AGL: variants seen among roughly 807,000 people sequenced by gnomAD.
AGL encodes amylo-alpha-1,6-glucosidase and 4-alpha-glucanotransferase.
A neutral mutation model predicts 199.3 loss-of-function variants in AGL; 128 were observed. The observed-to-expected ratio is 0.64, with a 90% CI of 0.56 to 0.74. The LOEUF is 0.74. Ranked by LOEUF, AGL falls within the 30% of genes least tolerant of loss-of-function variation. The pLI, the probability that AGL is intolerant of heterozygous loss-of-function variation, is 0.00. For synonymous variants in AGL, 584 were observed against 594.7 expected (o/e 0.98, Z 0.26); for missense variants, 1,809 against 1,820.8 (o/e 0.99, Z 0.12).
At chr1:99,893,417 GT>G (rs764507498) in intron 24 of AGL, among the ~76,000 whole-genome samples, 2 of 152,074 alleles carry the variant, frequency 1.3e-5, no homozygotes, top group Non-Finnish European at 1.5e-5. Flanking sequence ...CTATAATTGT[GT>G]TTTTAGATTT....
intron 31 of AGL, 60 bp from the exon 32 acceptor site, chr1:99,916,350 A>G: frequency 1.5e-6 from 2 of 1,325,568 alleles, no homozygotes; most frequent in Admixed American, 3.9e-5. Flanking sequence ...AATTTTTCTA[A>G]TGCTTTTTAC....
chr1:99,860,310 C>CA (rs2101081236), intron 2 of AGL, among the ~76,000 whole-genome samples: 1 of 151,714 alleles, frequency 6.6e-6, no homozygotes, highest in South Asian at 2.1e-4. Context: ...TTTTTCCTCT[C>CA]AAAGAAATTC....
intron 25 of AGL, among the ~76,000 whole-genome samples, chr1:99,898,268 G>A (rs1019291983): frequency 3.3e-5 from 5 of 152,046 alleles, no homozygotes; most frequent in African/African-American, 9.7e-5. Flanking sequence ...GGATGGTCTC[G>A]ATATCCTGAC....
In AGL at chr1:99,902,617, G is replaced by A. The variant is rs1019269573; in HGVS notation, c.3589-66G>A. ...ATATTTTCACATTACTTCAGTTGTC[G>A]GATTTGGGGGAAAATAAGAAAAATG... On this transcript the variant is annotated intron_variant, in intron 26 of 33. Transcript: ENST00000361915. 1.1e-4 allele frequency: 137 copies of A among 1,265,092 alleles called. No individual in the cohort carries two copies. In the Admixed American group the frequency reaches 2.0e-3, roughly 19 times the overall value. 78.4% of individuals were successfully genotyped at this position (1,265,092 alleles called of 1,614,324 possible). A position where few individuals can be genotyped will look rare whatever the true frequency, so the allele number is the denominator to read the frequency against.
chr1:99,910,691 T>C (rs1231963880), intron 27 of AGL, 21 bp from the exon 28 acceptor site: 3 of 1,448,552 alleles, frequency 2.1e-6, no homozygotes, highest in African/African-American at 1.4e-5. Flanking sequence ...AATTTTATTT[T>C]ATACACATTT....
chr1:99,849,511 A>C (rs548077491), upstream of AGL, among the ~76,000 whole-genome samples: 1 of 152,210 alleles, frequency 6.6e-6, no homozygotes, highest in African/African-American at 2.4e-5. Flanking sequence ...CTCCGGGTCT[A>C]TCTAGTGTAC....
chr1:99,874,705 A>C lies in AGL; in HGVS notation c.977A>C (p.Lys326Thr). ...CTTTTAGAAAATAGGCGAGTAACCA[A>C]GTCTGATCCAAACCAACACCTTACG... ...LLTQENRRVT[K>T]SDPNQHLTII... Residue 326 changes from lysine (K) to threonine (T), a missense_variant, in exon 8 of 34, where the codon AAG becomes ACG. Transcript: ENST00000361915. The C allele has an allele frequency of 6.2e-7, 1 of 1,612,898 alleles. No homozygotes were observed. Among genetic ancestry groups the C allele is most frequent in the Non-Finnish European group, 8.5e-7 (1 of 1,178,912 alleles).
chr1:99,856,149 CCTACTGTAGG>C (rs2101065994), intron 2 of AGL, among the ~76,000 whole-genome samples: 1 of 152,286 alleles, frequency 6.6e-6, no homozygotes, highest in African/African-American at 2.4e-5. Flanking sequence ...TGGAATCTGA[CCTACTGTAGG>C]CTCTCTGATG....
At position 99,880,803 on chromosome 1, in the gene AGL, C is replaced by G. The variant is rs749625659; in HGVS notation, c.1899+8C>G. Reference sequence around the variant, plus strand: ...AATGAGTGTCCTATTGTGGTAAGCACCTAATCTTTTTCATGTACTTATTTT... The same window carrying G: ...AATGAGTGTCCTATTGTGGTAAGCAGCTAATCTTTTTCATGTACTTATTTT... On this transcript the variant is annotated splice_region_variant and intron_variant, in intron 14 of 33. Coordinates refer to ENST00000361915, the MANE Select transcript of AGL (RefSeq NM_000642.3). 6 of 1,613,622 alleles carry G rather than the reference C, an allele frequency of 3.7e-6. No individual in the cohort carries two copies.
At chr1:99,867,444 C>T (rs538327724) in intron 5 of AGL, among the ~76,000 whole-genome samples, 18 of 152,320 alleles carry the variant, frequency 1.2e-4, no homozygotes, top group East Asian at 7.7e-4. Flanking sequence ...ACATTCTCTC[C>T]TCCCAACTCC....
intron 7 of AGL, among the ~76,000 whole-genome samples, chr1:99,871,421 CCCA>C (rs1251973737): frequency 8.5e-6 from 1 of 117,746 alleles, no homozygotes; most frequent in Non-Finnish European, 1.8e-5. Flanking sequence ...CCCCCCCCCC[CCCA>C]ACAAAATAGG....
At chr1:99,867,540 T>C (rs1211663828) in intron 5 of AGL, among the ~76,000 whole-genome samples, 1 of 151,396 alleles carries the variant, frequency 6.6e-6, no homozygotes, top group African/African-American at 2.4e-5. Flanking sequence ...GCAGAAGTTC[T>C]TTTTTTTTAA....
At chr1:99,900,897 T>C in intron 26 of AGL, 36 bp downstream of exon 26, 2 of 1,519,356 alleles carry the variant, frequency 1.3e-6, no homozygotes, top group Non-Finnish European at 1.8e-6. Context: ...TTTGTTTTTT[T>C]TTTTTTTTCT....
In AGL at chr1:99,861,540, G is replaced by C; in HGVS notation, c.120G>C (p.Gln40His). ...AGTTCCGATTAGGCCCAACTTTACAGGGAAAAGCAGTTACCGTGTATACAA... is the reference window on the plus strand; with the variant it reads ...AGTTCCGATTAGGCCCAACTTTACACGGAAAAGCAGTTACCGTGTATACAA... ...ELQFRLGPTL[Q>H]GKAVTVYTNY... The change falls in exon 3 of 34, where the codon CAG (glutamine) becomes CAC (histidine). Residue 40 changes from glutamine (Q) to histidine (H), a missense_variant. Coordinates refer to ENST00000361915, the MANE Select transcript of AGL (RefSeq NM_000642.3). 1 of 1,613,958 alleles carries C rather than the reference G, an allele frequency of 6.2e-7. No individual in the cohort carries two copies. Among genetic ancestry groups the C allele is most frequent in the Non-Finnish European group, 8.5e-7 (1 of 1,179,952 alleles).
rs1557758535 is a variant in AGL, at chr1:99,875,232, A to G, written c.1161A>G (p.Arg387=). The change falls in exon 9 of 34, where the codon CGA becomes CGG. Residue 387 remains arginine (R), a synonymous_variant. Transcript: ENST00000361915. ...AGGAATTAAATTCAGAGAAGCATCG[A>G]CTCATTAACTATCATCAGGAACAGG... is the stretch of plus-strand genomic sequence containing the variant. ...RMEELNSEKH[R]LINYHQEQAV... 3 of 1,614,060 alleles carry G rather than the reference A, an allele frequency of 1.9e-6. No individual in the cohort carries two copies. Among genetic ancestry groups the G allele is most frequent in the Non-Finnish European group, 2.5e-6 (3 of 1,179,928 alleles).
intron 2 of AGL, among the ~76,000 whole-genome samples, chr1:99,857,952 CT>C (rs1649706233): frequency 6.6e-6 from 1 of 152,066 alleles, no homozygotes; most frequent in Non-Finnish European, 1.5e-5. Context: ...ATGAATTATG[CT>C]CTCAGTTTGT....
chr1:99,883,221 A>G (rs1652190562), intron 17 of AGL, among the ~76,000 whole-genome samples: 2 of 152,316 alleles, frequency 1.3e-5, no homozygotes, highest in South Asian at 4.1e-4. Flanking sequence ...TTACAGAGGT[A>G]GAATTTCTAG....
chr1:99,920,577 T>C (rs545692823), intron 33 of AGL, among the ~76,000 whole-genome samples: 51 of 152,372 alleles, frequency 3.3e-4, no homozygotes, highest in Admixed American at 3.1e-3. Context: ...ACATTTTCTA[T>C]ATTTTCCATG....
At chr1:99,901,898 T>G (rs1308112717) in intron 26 of AGL, among the ~76,000 whole-genome samples, 2 of 152,172 alleles carry the variant, frequency 1.3e-5, no homozygotes, top group African/African-American at 2.4e-5. Flanking sequence ...TGTTATCAAC[T>G]GACATTTCTG....
Sources: allele counts gnomAD v4.1 joint callset (sites outside exome capture counted in the v4.1 genomes callset), GRCh38; gene constraint gnomAD v4.1.1; transcripts MANE v1.5; gene names NCBI Gene and HGNC (gene_info 2026-07-23, HGNC 2026-07-21).